Variants in ZNF407 observed in about 807,000 individuals in gnomAD.
ZNF407 encodes zinc finger protein 407.
In ZNF407, 17 loss-of-function variants were observed where a neutral mutation model predicts 131.2. The ratio of observed to expected loss-of-function variants is 0.13; its 90% CI spans 0.09 to 0.19. ZNF407 has a LOEUF of 0.19. Ranked by LOEUF, ZNF407 falls within the 10% of genes least tolerant of loss-of-function variation. The pLI is 1.00. For missense variants in ZNF407, 2,681 were observed against 2,830.6 expected (o/e 0.95, Z 1.20); for synonymous variants, 1,156 against 1,062.0 (o/e 1.09, Z -1.72).
In ZNF407 at chr18:75,063,844, G is replaced by C; in HGVS notation, c.6123G>C (p.Gln2041His). Residue 2041 changes from glutamine to histidine, a missense_variant, in exon 9 of 9, where the codon CAG becomes CAC. This residue lies in a region of ZNF407 where 620 missense variants were observed against 583.1 expected (regional missense o/e 1.06). Transcript: ENST00000299687. This position sits in a 1 kb window ranked among gnomAD's most constrained non-coding sequence, Gnocchi z 6.6. ...CCGACCCCGAGGCCCCCGAGATCCA[G>C]ATGTTCCCACAGGCCCAGGAGAGCC... ...VAADPEAPEI[Q>H]MFPQAQESPA... is the part of the protein sequence containing the mutation. 1 of 1,609,522 alleles carries C rather than the reference G, an allele frequency of 6.2e-7. No homozygotes were observed. Among genetic ancestry groups the C allele is most frequent in the Non-Finnish European group, 8.5e-7 (1 of 1,179,114 alleles).
chr18:74,662,980 CTTGTA>C (rs1384901128), intron 3 of ZNF407, among the ~76,000 whole-genome samples: 2 of 152,126 alleles, frequency 1.3e-5, no homozygotes, highest in East Asian at 1.9e-4. Context: ...CATCTACATT[CTTGTA>C]TTGTTTGTAG....
At chr18:75,030,779 C>G (rs1457619154) in intron 8 of ZNF407, among the ~76,000 whole-genome samples, 1 of 152,136 alleles carries the variant, frequency 6.6e-6, no homozygotes, top group Non-Finnish European at 1.5e-5. Flanking sequence ...GTAGGAAGAG[C>G]CCTGACTAAC....
chr18:74,685,426 C>T (rs915895726), intron 3 of ZNF407, among the ~76,000 whole-genome samples: 2 of 152,198 alleles, frequency 1.3e-5, no homozygotes, highest in Admixed American at 1.3e-4. Flanking sequence ...TATAGGTCTC[C>T]TGCTCAATGG....
Position 74,633,304 on chromosome 18 carries a change from C to A in ZNF407, c.2285C>A (p.Ala762Asp), listed in dbSNP as rs1313710698. The change falls in exon 2 of 9, where the codon GCT becomes GAT. Residue 762 changes from alanine (A) to aspartate (D), a missense_variant. Around this residue, in one of 6 missense-constraint regions of ZNF407, gnomAD observed 1,789 missense variants for 1,748.7 expected, o/e 1.02. Coordinates refer to ENST00000299687, the MANE Select transcript of ZNF407 (RefSeq NM_017757.3). ...AAAAGAAGCAAGCATCTTGAAAATG[C>A]TAAGAAAAATAATATTGGCTTAAGC... ...HIKRSKHLEN[A>D]KKNNIGLSFE... 14 of 1,612,390 alleles carry A rather than the reference C, an allele frequency of 8.7e-6. No individual in the cohort carries two copies. Among genetic ancestry groups the A allele is most frequent in the Non-Finnish European group, 1.2e-5 (14 of 1,179,558 alleles).
At chr18:74,710,207 T>C (rs762257361) in intron 3 of ZNF407, among the ~76,000 whole-genome samples, 15 of 152,222 alleles carry the variant, frequency 9.9e-5, no homozygotes, top group Non-Finnish European at 2.2e-4. Context: ...TTATATTTAA[T>C]TGATTTGACT....
At chr18:74,622,983 AATGT>A (rs1983599369) in intron 1 of ZNF407, among the ~76,000 whole-genome samples, 1 of 150,988 alleles carries the variant, frequency 6.6e-6, no homozygotes, top group African/African-American at 2.4e-5. Context: ...TGTCAGTGTG[AATGT>A]GAGTCCGTGT....
intron 3 of ZNF407, among the ~76,000 whole-genome samples, chr18:74,672,704 T>G (rs541906431): frequency 6.6e-6 from 1 of 152,328 alleles, no homozygotes; most frequent in Non-Finnish European, 1.5e-5. Context: ...GTCCTTGGGT[T>G]GCTTCTACTG....
At chr18:74,796,388 T>A (rs1599160246) in intron 4 of ZNF407, among the ~76,000 whole-genome samples, 1 of 152,204 alleles carries the variant, frequency 6.6e-6, no homozygotes, top group African/African-American at 2.4e-5. Flanking sequence ...TAGCCCCAGG[T>A]CATGATCAGT....
intron 1 of ZNF407, among the ~76,000 whole-genome samples, chr18:74,622,342 C>T (rs913754498): frequency 1.3e-5 from 2 of 152,192 alleles, no homozygotes; most frequent in Non-Finnish European, 2.9e-5. Context: ...GAAAGAGATG[C>T]GAGTGGCCCC....
At chr18:74,755,885 CTTTTTTT>C (rs34750560) in intron 3 of ZNF407, among the ~76,000 whole-genome samples, 6 of 25,834 alleles carry the variant, frequency 2.3e-4, no homozygotes, top group South Asian at 4.3e-3. Flanking sequence ...CTTTTCCTTC[CTTTTTTT>C]TTTTTTTTTT....
chr18:74,894,772 A>C (rs1032937164), intron 7 of ZNF407, among the ~76,000 whole-genome samples: 1 of 152,142 alleles, frequency 6.6e-6, no homozygotes, highest in African/African-American at 2.4e-5. Context: ...TTTAAATGTT[A>C]ATTTAGTAAA....
rs867080925 is a variant in ZNF407, at chr18:74,703,526, C to T, written c.4802+62404C>T. On this transcript the variant is annotated intron_variant, in intron 3 of 8. Coordinates refer to ENST00000299687, the MANE Select transcript of ZNF407 (RefSeq NM_017757.3). This position sits in a 1 kb window ranked among gnomAD's most constrained non-coding sequence, Gnocchi z 4.1. ...GGATTACAGGTATACACCACCACAC[C>T]CAGCTAATTTTGTATTTTTAGTAGA... Among the ~76,000 whole-genome samples, 8 of 152,248 alleles carry T rather than the reference C, an allele frequency of 5.3e-5. No individual in the cohort carries two copies. The East Asian group carries it at 7.7e-4, about 15-fold the overall frequency.
At position 74,737,580 on chromosome 18, in the gene ZNF407, A is replaced by G. The variant is rs949252382; in HGVS notation, c.4803-43848A>G. On this transcript the variant is annotated intron_variant, in intron 3 of 8. Transcript: ENST00000299687. ...TTGTGGTCTGTATTTTCAACAAAGG[A>G]CCATGAGTGTGTGTGCAGTGCATGT... Among the ~76,000 whole-genome samples the G allele has an allele frequency of 3.3e-5, 5 of 152,334 alleles. No homozygotes were observed. In the East Asian group the frequency reaches 7.7e-4, roughly 24 times the overall value.
chr18:74,719,556 C>T (rs4497782), intron 3 of ZNF407, among the ~76,000 whole-genome samples: 104,644 of 152,024 alleles, frequency 0.69, 36,980 homozygotes, highest in East Asian at 0.85. Context: ...CCCGCCACCA[C>T]GCCCGGCTAA....
intron 8 of ZNF407, among the ~76,000 whole-genome samples, chr18:74,973,088 A>G (rs1408450167): frequency 6.6e-6 from 1 of 151,778 alleles, no homozygotes; most frequent in East Asian, 1.9e-4. Flanking sequence ...ATTTTTGAGT[A>G]TATCTCTTCT....
intron 3 of ZNF407, among the ~76,000 whole-genome samples, chr18:74,676,993 A>G (rs1986421086): frequency 6.6e-6 from 1 of 150,752 alleles, no homozygotes; most frequent in Admixed American, 6.6e-5. Context: ...TCCTTTCCCC[A>G]CCTTTTTATC....
chr18:74,806,585 T>G (rs1276343911), intron 4 of ZNF407, among the ~76,000 whole-genome samples: 1 of 152,104 alleles, frequency 6.6e-6, no homozygotes, highest in Non-Finnish European at 1.5e-5. Flanking sequence ...AGATGATAAA[T>G]GAAAATACTG....
At chr18:74,798,704 A>T (rs1969966946) in intron 4 of ZNF407, among the ~76,000 whole-genome samples, 1 of 152,162 alleles carries the variant, frequency 6.6e-6, no homozygotes, top group South Asian at 2.1e-4. Flanking sequence ...TTGAGTAGTA[A>T]GGATATTATC....
intron 3 of ZNF407, among the ~76,000 whole-genome samples, chr18:74,681,509 C>T (rs1461246561): frequency 1.3e-5 from 2 of 152,266 alleles, no homozygotes; most frequent in East Asian, 1.9e-4. Flanking sequence ...TTCCAAGGTG[C>T]TGGGATTACA....
Sources: gnomAD v4.1 joint callset for allele counts (sites outside exome capture counted in the v4.1 genomes callset) on GRCh38, gnomAD v4.1.1 for gene constraint, gnomAD v4.1.1 regional missense constraint, Gnocchi (gnomAD v3.1) non-coding constraint, MANE v1.5 for transcripts, NCBI Gene and HGNC (gene_info 2026-07-23, HGNC 2026-07-21) for gene names.